Variants in RNF220 observed in about 807,000 individuals in gnomAD.
RNF220 encodes ring finger protein 220.
RNF220 carries 7 observed loss-of-function variants against 67.1 expected under a neutral mutation model. The ratio of observed to expected loss-of-function variants is 0.10; its 90% CI spans 0.06 to 0.20. The LOEUF (loss-of-function observed/expected upper bound fraction) is 0.20. Ranked by LOEUF, RNF220 falls within the 10% of genes least tolerant of loss-of-function variation. RNF220 has a pLI of 1.00. For missense variants in RNF220, 565 were observed against 740.3 expected, an observed-to-expected ratio of 0.76 and a Z score of 2.75; for synonymous variants, 270 against 283.2, an observed-to-expected ratio of 0.95 and a Z score of 0.47.
rs558033494 is a variant in RNF220 at position 44,443,257 on chromosome 1, G to A, written c.625+30535G>A. 6.0e-5 allele frequency among the ~76,000 whole-genome samples: 9 copies of A among 149,024 alleles called. No individual in the cohort carries two copies. The East Asian group carries it at 1.7e-3, about 29-fold the overall frequency. ...TGTATTGCCTATTTTGATTTATCAT[G>A]CTAATGTTATTCAAATTAGAAACAG... On this transcript the variant is annotated intron_variant, in intron 2 of 14. Coordinates refer to ENST00000361799, the MANE Select transcript of RNF220 (RefSeq NM_018150.4).
intron 2 of RNF220, among the ~76,000 whole-genome samples, chr1:44,429,770 A>G (rs749635132): frequency 3.3e-5 from 5 of 152,238 alleles, no homozygotes; most frequent in Non-Finnish European, 7.3e-5. Context: ...TGGTAGGCCT[A>G]TAAGGCAGCA....
intron 3 of RNF220, among the ~76,000 whole-genome samples, chr1:44,617,961 G>T (rs1643633007): frequency 6.6e-6 from 1 of 150,426 alleles, no homozygotes; most frequent in Non-Finnish European, 1.5e-5. Flanking sequence ...CTCCTACCCT[G>T]CCTTTGCCTC....
In RNF220 at chr1:44,483,210, C is replaced by G. The variant is rs991420879; in HGVS notation, c.625+70488C>G. Among the ~76,000 whole-genome samples, 6 of 152,270 alleles carry G rather than the reference C, an allele frequency of 3.9e-5. No individual in the cohort carries two copies. In the East Asian group the frequency reaches 9.6e-4, roughly 24 times the overall value. ...CCTCCCAAAGCGCCAGGATTGCAGG[C>G]ATGAACTACCATGCCCAGCCCAAGC... On this transcript the variant is annotated intron_variant, in intron 2 of 14. Transcript: ENST00000361799.
chr1:44,635,668 T>C, intron 7 of RNF220, 80 bp downstream of exon 7: 1 of 1,610,816 alleles, frequency 6.2e-7, no homozygotes, highest in South Asian at 1.1e-5. Context: ...CTTTCTAAGG[T>C]AGAGGGGCCA....
intron 2 of RNF220, among the ~76,000 whole-genome samples, chr1:44,437,233 TAG>T (rs1325307097): frequency 2.6e-5 from 4 of 152,174 alleles, no homozygotes; most frequent in Non-Finnish European, 5.9e-5. Flanking sequence ...GTCGATTGCA[TAG>T]ACACAGCTGT....
intron 6 of RNF220, among the ~76,000 whole-genome samples, chr1:44,633,335 C>T (rs887673820): frequency 6.6e-6 from 1 of 152,190 alleles, no homozygotes; most frequent in Non-Finnish European, 1.5e-5. Context: ...TGTAACTGAG[C>T]CATGATTCAA....
intron 2 of RNF220, among the ~76,000 whole-genome samples, chr1:44,543,312 T>G (rs1661829343): frequency 6.6e-6 from 1 of 152,018 alleles, no homozygotes; most frequent in African/African-American, 2.4e-5. Flanking sequence ...CTAGTGTTGT[T>G]GACATGGGGC....
chr1:44,418,874 G>A (rs1487641794), intron 2 of RNF220, among the ~76,000 whole-genome samples: 2 of 151,956 alleles, frequency 1.3e-5, no homozygotes, highest in East Asian at 3.9e-4. Context: ...CATATTTAAT[G>A]GAGTTATATT....
intron 2 of RNF220, among the ~76,000 whole-genome samples, chr1:44,467,624 T>G (rs1019383106): frequency 2.1e-4 from 32 of 152,388 alleles, no homozygotes; most frequent in Admixed American, 5.9e-4. Flanking sequence ...TGTGGCTGGT[T>G]TGATCTTCTA....
intron 2 of RNF220, among the ~76,000 whole-genome samples, chr1:44,494,173 T>A (rs1487863515): frequency 2.3e-5 from 3 of 130,896 alleles, no homozygotes; most frequent in African/African-American, 8.9e-5. Flanking sequence ...ACCATTGCAC[T>A]CCAGCCTGGG....
intron 2 of RNF220, among the ~76,000 whole-genome samples, chr1:44,571,055 CAGAG>C: frequency 6.7e-6 from 1 of 150,372 alleles, no homozygotes; most frequent in East Asian, 1.9e-4. Flanking sequence ...ACCTGGGTGA[CAGAG>C]AGAGACTCCA....
Position 44,600,486 on chromosome 1 carries a change from C to G in RNF220, c.626-13679C>G, listed in dbSNP as rs1666846556. Among the ~76,000 whole-genome samples, 1 of 152,202 alleles carries G rather than the reference C, an allele frequency of 6.6e-6. No homozygotes were observed. The highest frequency in any genetic ancestry group is 6.6e-5 in the Admixed American group (1 of 15,266). On this transcript the variant is annotated intron_variant, in intron 2 of 14. Coordinates refer to ENST00000361799, the MANE Select transcript of RNF220 (RefSeq NM_018150.4). The surrounding 1 kb of genome is among the most constrained non-coding windows in gnomAD (Gnocchi z 4.0). ...GTAACCATGGGCAAACTAAGAACTT[C>G]TCTACGCCTCTGTTTCCTTACTTAT...
At chr1:44,464,009 G>T (rs1184242009) in intron 2 of RNF220, among the ~76,000 whole-genome samples, 1 of 152,194 alleles carries the variant, frequency 6.6e-6, no homozygotes, top group South Asian at 2.1e-4. Flanking sequence ...GGTTCAGTTG[G>T]CATATCTTGC....
intron 1 of RNF220, 72 bp downstream of exon 1, chr1:44,405,602 G>A (rs1320074806): frequency 3.4e-6 from 1 of 294,700 alleles, no homozygotes; most frequent in Non-Finnish European, 6.3e-6. Context: ...CGGCCGGCTT[G>A]TTCAGGAACC....
chr1:44,597,747 C>T (rs1224252066), intron 2 of RNF220, among the ~76,000 whole-genome samples: 2 of 152,106 alleles, frequency 1.3e-5, no homozygotes, highest in Admixed American at 1.3e-4. Flanking sequence ...CTCTCAGCCA[C>T]ACTTTTTTAT....
intron 2 of RNF220, among the ~76,000 whole-genome samples, chr1:44,580,441 T>C (rs1665186960): frequency 6.6e-6 from 1 of 152,240 alleles, no homozygotes; most frequent in Non-Finnish European, 1.5e-5. Context: ...TTGTTGTTTT[T>C]AGATTTCCAA....
chr1:44,518,046 G>A (rs916174364), intron 2 of RNF220, among the ~76,000 whole-genome samples: 54 of 152,218 alleles, frequency 3.5e-4, no homozygotes, highest in African/African-American at 1.3e-3. Context: ...GGCGGAGGTT[G>A]CATTGAGTGG....
rs1644767516 is a variant in RNF220 at position 44,650,648 on chromosome 1, A to G, written c.1630-56A>G. The G allele has an allele frequency of 6.3e-7, 1 of 1,576,254 alleles. No individual in the cohort carries two copies. The highest frequency in any genetic ancestry group is 8.7e-7 in the Non-Finnish European group (1 of 1,146,300). On this transcript the variant is annotated intron_variant, in intron 14 of 14. Coordinates refer to ENST00000361799, the MANE Select transcript of RNF220 (RefSeq NM_018150.4). This position sits in a 1 kb window ranked among gnomAD's most constrained non-coding sequence, Gnocchi z 4.3. The stretch of plus-strand genomic sequence containing the variant: ...GACATGGCTGCAGGCCCAGGTGCTC[A>G]CATGCGCACACATGGCTCATTGTGT...
In RNF220 at chr1:44,412,454, T is replaced by C; in HGVS notation, c.357T>C (p.Ala119=). 6.2e-7 allele frequency: 1 copy of C among 1,611,666 alleles called. No individual in the cohort carries two copies. Among genetic ancestry groups the C allele is most frequent in the Non-Finnish European group, 8.5e-7 (1 of 1,177,960 alleles). The change falls in exon 2 of 15, where the codon GCT becomes GCC. Residue 119 remains alanine (A), a synonymous_variant. Coordinates refer to ENST00000361799, the MANE Select transcript of RNF220 (RefSeq NM_018150.4). This position sits in a 1 kb window ranked among gnomAD's most constrained non-coding sequence, Gnocchi z 5.3. Reference sequence around the variant, plus strand: ...TGCTGAATCATAGTGGTGTGGGGGCTTTCCGGCCCTTTGCCTCCACCGAGG... The same window carrying C: ...TGCTGAATCATAGTGGTGTGGGGGCCTTCCGGCCCTTTGCCTCCACCGAGG... The part of the protein sequence containing the change: ...ISMLNHSGVG[A]FRPFASTEDR...
Sources: allele counts gnomAD v4.1 joint callset (sites outside exome capture counted in the v4.1 genomes callset), GRCh38; gene constraint gnomAD v4.1.1; non-coding constraint Gnocchi (gnomAD v3.1); transcripts MANE v1.5; gene names NCBI Gene and HGNC (gene_info 2026-07-23, HGNC 2026-07-21).